Variants in CNIH3 observed in about 807,000 individuals in gnomAD.
CNIH3 encodes cornichon family AMPA receptor auxiliary protein 3.
Under a neutral mutation model 24.1 loss-of-function variants are expected in CNIH3, and 14 were observed. That is an observed-to-expected ratio of 0.58 (90% CI 0.38 to 0.91). The LOEUF is 0.91. Among genes scored for constraint, CNIH3 ranks in the 40% least tolerant of loss-of-function variants. The probability of loss-of-function intolerance (pLI) is 0.00; values close to 1 mark genes in which losing one functional copy is unlikely to be tolerated. For synonymous variants in CNIH3, 68 were observed against 73.8 expected, an observed-to-expected ratio of 0.92 and a Z score of 0.40; for missense variants, 178 against 196.8, an observed-to-expected ratio of 0.90 and a Z score of 0.57.
At chr1:224,624,037 A>G (rs1683403010) in intron 1 of CNIH3, among the ~76,000 whole-genome samples, 2 of 152,128 alleles carry the variant, frequency 1.3e-5, no homozygotes, top group Non-Finnish European at 2.9e-5. Flanking sequence ...TAATAAAACA[A>G]AGCCCTCTGC....
At position 224,652,210 on chromosome 1, in the gene CNIH3, T is replaced by C. The variant is rs558514870; in HGVS notation, c.82-28748T>C. 8.5e-5 allele frequency among the ~76,000 whole-genome samples: 13 copies of C among 152,232 alleles called. No homozygotes were observed. The South Asian group carries it at 2.7e-3, about 32-fold the overall frequency. On this transcript the variant is annotated intron_variant, in intron 1 of 5. Coordinates refer to ENST00000272133, the MANE Select transcript of CNIH3 (RefSeq NM_152495.2). ...TTCACCCAGACCCTTCTTTCCTGTG[T>C]GCTGCCTCTGGCCAGAGGCATGACC...
chr1:224,574,678 C>T lies in CNIH3; in HGVS notation n.516+8414C>T, dbSNP rs111596057. Reference sequence around the variant, plus strand: ...TTCATCACCAGCAAGCTGTGGTGAGCGTACCATGAGAAGGGCCTGGTGAAA... The same window carrying T: ...TTCATCACCAGCAAGCTGTGGTGAGTGTACCATGAGAAGGGCCTGGTGAAA... On this transcript the variant is annotated intron_variant and non_coding_transcript_variant, in intron 4 of 5. Transcript: ENST00000471578. The T allele has an allele frequency of 3.2e-4, 350 of 1,087,622 alleles. 1 individual carries two copies. The African/African-American group carries it at 4.8e-3, about 15-fold the overall frequency. 67.4% of individuals were successfully genotyped at this position (1,087,622 alleles called of 1,614,324 possible).
At chr1:224,522,199 T>C (rs967998931) in intron 2 of CNIH3, among the ~76,000 whole-genome samples, 11 of 152,044 alleles carry the variant, frequency 7.2e-5, no homozygotes, top group Non-Finnish European at 1.5e-4. Flanking sequence ...GCTTCTATCA[T>C]CTGAAAGTTA....
At chr1:224,601,704 AC>A (rs1232651170) in intron 3 of CNIH3, among the ~76,000 whole-genome samples, 2 of 152,204 alleles carry the variant, frequency 1.3e-5, no homozygotes, top group African/African-American at 4.8e-5. Context: ...AGCCTCTAGA[AC>A]CATGAGAAAA....
chr1:224,670,469 C>T (rs893952921), intron 1 of CNIH3, among the ~76,000 whole-genome samples: 1 of 152,132 alleles, frequency 6.6e-6, no homozygotes. Flanking sequence ...TTATGGGTAG[C>T]CCACAGCACA....
chr1:224,641,119 G>A (rs1164623625), intron 1 of CNIH3, among the ~76,000 whole-genome samples: 1 of 152,138 alleles, frequency 6.6e-6, no homozygotes, highest in Non-Finnish European at 1.5e-5. Context: ...TGGAGTCTTC[G>A]GCATGGTAGC....
intron 3 of CNIH3, among the ~76,000 whole-genome samples, chr1:224,710,287 C>T (rs1572779032): frequency 2.6e-5 from 4 of 152,334 alleles, no homozygotes; most frequent in South Asian, 2.1e-4. Context: ...CCGAGTGCTT[C>T]GTGAATTACA....
intron 1 of CNIH3, among the ~76,000 whole-genome samples, chr1:224,459,395 T>C (rs1410149647): frequency 2.0e-5 from 3 of 152,164 alleles, no homozygotes. Context: ...CAAACCTCAT[T>C]ATAACAGATA....
intron 1 of CNIH3, among the ~76,000 whole-genome samples, chr1:224,667,751 A>G (rs1685663110): frequency 1.5e-5 from 2 of 130,948 alleles, no homozygotes; most frequent in Non-Finnish European, 3.2e-5. Context: ...CAGTCAGTCC[A>G]ATAAAAAAAA....
At chr1:224,485,010 A>G (rs1676971493) in intron 1 of CNIH3, among the ~76,000 whole-genome samples, 1 of 152,150 alleles carries the variant, frequency 6.6e-6, no homozygotes, top group African/African-American at 2.4e-5. Flanking sequence ...GTTTCTTGGT[A>G]TCTATCTTTG....
chr1:224,526,461 C>A (rs1678850909), intron 2 of CNIH3, among the ~76,000 whole-genome samples: 1 of 152,092 alleles, frequency 6.6e-6, no homozygotes, highest in Non-Finnish European at 1.5e-5. Flanking sequence ...CACCAGACAC[C>A]GGAGCTGCTC....
chr1:224,632,594 C>T (rs1019936725), intron 1 of CNIH3, among the ~76,000 whole-genome samples: 8 of 151,968 alleles, frequency 5.3e-5, no homozygotes, highest in Non-Finnish European at 8.8e-5. Flanking sequence ...GCCACTGGGA[C>T]GCAATATGTG....
chr1:224,475,503 T>C (rs1244959556), intron 1 of CNIH3, among the ~76,000 whole-genome samples: 1 of 152,166 alleles, frequency 6.6e-6, no homozygotes. Flanking sequence ...GATAAATTCC[T>C]AGATACATAC....
At chr1:224,699,967 T>C (rs943495616) in intron 3 of CNIH3, among the ~76,000 whole-genome samples, 10 of 152,166 alleles carry the variant, frequency 6.6e-5, no homozygotes, top group African/African-American at 2.4e-4. Context: ...CTGCTTCCAC[T>C]GGGCCCTGCG....
chr1:224,677,596 T>C (rs1221205952), intron 1 of CNIH3, among the ~76,000 whole-genome samples: 3 of 152,256 alleles, frequency 2.0e-5, no homozygotes. Context: ...CTCTTTCCTC[T>C]GCGCCATCCT....
At chr1:224,495,520 T>C (rs1241340706) in intron 1 of CNIH3, among the ~76,000 whole-genome samples, 1 of 152,216 alleles carries the variant, frequency 6.6e-6, no homozygotes, top group African/African-American at 2.4e-5. Context: ...GTCTCTACTT[T>C]AATGGAGTGT....
chr1:224,484,290 C>A (rs573539789), intron 1 of CNIH3, among the ~76,000 whole-genome samples: 1 of 151,426 alleles, frequency 6.6e-6, no homozygotes, highest in Non-Finnish European at 1.5e-5. Context: ...ATTAGCCGGG[C>A]GCGGTAGTGG....
intron 3 of CNIH3, among the ~76,000 whole-genome samples, chr1:224,708,619 TA>T (rs1177190866): frequency 6.6e-6 from 1 of 152,194 alleles, no homozygotes; most frequent in East Asian, 1.9e-4. Context: ...TTGCCAAATC[TA>T]ATAGACTGAC....
intron 2 of CNIH3, among the ~76,000 whole-genome samples, chr1:224,531,574 A>G (rs181239730): frequency 2.0e-5 from 3 of 152,338 alleles, no homozygotes; most frequent in African/African-American, 4.8e-5. Flanking sequence ...TTGTAGATCA[A>G]TGGAGATGTG....
Sources: gnomAD v4.1 joint callset for allele counts (sites outside exome capture counted in the v4.1 genomes callset) on GRCh38, gnomAD v4.1.1 for gene constraint, MANE v1.5 for transcripts, NCBI Gene and HGNC (gene_info 2026-07-23, HGNC 2026-07-21) for gene names.